The following FHIT variants were observed in gnomAD, a reference collection of about 807,000 sequenced individuals.
FHIT encodes bis(5'-adenosyl)-triphosphatase.
A neutral mutation model predicts 17.9 loss-of-function variants in FHIT; 19 were observed. The observed-to-expected ratio is 1.06, with a 90% CI of 0.74 to 1.56. FHIT has a LOEUF of 1.56. Among genes scored for constraint, FHIT ranks in the 40% most tolerant of loss-of-function variants. FHIT has a pLI of 0.00. For synonymous variants in FHIT, 81 were observed against 69.7 expected, an observed-to-expected ratio of 1.16 and a Z score of -0.81; for missense variants, 248 against 189.2, an observed-to-expected ratio of 1.31 and a Z score of -1.82.
At chr3:60,427,911 C>T (rs1270533665) in intron 5 of FHIT, among the ~76,000 whole-genome samples, 1 of 152,122 alleles carries the variant, frequency 6.6e-6, no homozygotes, top group Non-Finnish European at 1.5e-5. Flanking sequence ...CTTCTCCATC[C>T]TCCCAATCAT....
At chr3:60,816,145 G>A (rs567833540) in intron 4 of FHIT, among the ~76,000 whole-genome samples, 13 of 151,992 alleles carry the variant, frequency 8.6e-5, no homozygotes, top group South Asian at 4.1e-4. Flanking sequence ...TTTTGGTGGC[G>A]TCTTTGAGTT....
rs548015299 is a variant in FHIT, at chr3:60,476,831, T to C, written c.103+60029A>G. Among the ~76,000 whole-genome samples, 245 of 145,706 alleles carry C rather than the reference T, an allele frequency of 1.7e-3. 1 individual carries two copies. Among genetic ancestry groups the C allele is most frequent in the Admixed American group, 1.5e-3 (21 of 14,028 alleles). The stretch of plus-strand genomic sequence containing the variant: ...AAGTGAGCATCATTTGGTCTCGTCC[T>C]GGACACCCGGGGAAGGATTTTTTTT... On this transcript the variant is annotated intron_variant, in intron 5 of 9. Transcript: ENST00000492590.
chr3:61,235,763 T>C (rs1403648955), intron 1 of FHIT, among the ~76,000 whole-genome samples: 1 of 152,196 alleles, frequency 6.6e-6, no homozygotes, highest in Non-Finnish European at 1.5e-5. Flanking sequence ...CTCAGTATCA[T>C]TTACTTAGCG....
chr3:61,093,469 A>G (rs2035546931), intron 2 of FHIT, among the ~76,000 whole-genome samples: 1 of 152,216 alleles, frequency 6.6e-6, no homozygotes, highest in Non-Finnish European at 1.5e-5. Context: ...CCCCCACAAC[A>G]GAATTATCCA....
chr3:60,183,616 G>A (rs1702035853), intron 5 of FHIT, among the ~76,000 whole-genome samples: 1 of 151,984 alleles, frequency 6.6e-6, no homozygotes, highest in Admixed American at 6.6e-5. Flanking sequence ...GCTCAAGTGT[G>A]CCATGTCACA....
At chr3:61,009,034 C>T (rs1330403003) in intron 3 of FHIT, among the ~76,000 whole-genome samples, 1 of 152,230 alleles carries the variant, frequency 6.6e-6, no homozygotes, top group East Asian at 1.9e-4. Context: ...TCCCAAGAAA[C>T]ATTGCCCAAT....
chr3:60,064,467 G>A (rs1702417398), intron 5 of FHIT, among the ~76,000 whole-genome samples: 1 of 152,088 alleles, frequency 6.6e-6, no homozygotes, highest in African/African-American at 2.4e-5. Flanking sequence ...CTGTTTCCAT[G>A]CTACAGACAG....
At chr3:60,603,442 C>A (rs2038506781) in intron 4 of FHIT, among the ~76,000 whole-genome samples, 1 of 151,374 alleles carries the variant, frequency 6.6e-6, no homozygotes, top group African/African-American at 2.4e-5. Context: ...TACTATCTTC[C>A]TATCTGTACA....
At chr3:60,533,489 C>A (rs1391308936) in intron 5 of FHIT, among the ~76,000 whole-genome samples, 1 of 152,142 alleles carries the variant, frequency 6.6e-6, no homozygotes. Flanking sequence ...GCAGACTGGG[C>A]TGTGTGTTTG....
chr3:60,130,225 TG>T (rs1250732369), intron 5 of FHIT, among the ~76,000 whole-genome samples: 2 of 152,218 alleles, frequency 1.3e-5, no homozygotes, highest in Non-Finnish European at 2.9e-5. Flanking sequence ...ATGTAATATC[TG>T]GCTTTGGTTT....
At position 60,508,844 on chromosome 3, in the gene FHIT, T is replaced by G. The variant is rs143733360; in HGVS notation, c.103+28016A>C. Among the ~76,000 whole-genome samples, 119 of 152,268 alleles carry G rather than the reference T, an allele frequency of 7.8e-4. 3 individuals are homozygous for G. In the East Asian group the frequency reaches 0.018, roughly 22 times the overall value. On this transcript the variant is annotated intron_variant, in intron 5 of 9. Transcript: ENST00000492590. ...GCTTAGCTTCTCAAAAAGCCAATTA[T>G]AAGACACAGCTGTTACCATGCCAAA...
chr3:60,839,098 G>C (rs765144787), intron 3 of FHIT, among the ~76,000 whole-genome samples: 3 of 152,094 alleles, frequency 2.0e-5, no homozygotes, highest in Admixed American at 6.5e-5. Context: ...AGGATGCTGG[G>C]CTAGAGGGCC....
intron 5 of FHIT, among the ~76,000 whole-genome samples, chr3:60,072,105 G>A (rs1234179829): frequency 6.6e-6 from 1 of 152,184 alleles, no homozygotes; most frequent in African/African-American, 2.4e-5. Context: ...CATGAGGTAG[G>A]AAGGAAAGAC....
intron 5 of FHIT, among the ~76,000 whole-genome samples, chr3:60,286,887 C>A (rs1707753202): frequency 6.6e-6 from 1 of 152,118 alleles, no homozygotes; most frequent in Non-Finnish European, 1.5e-5. Context: ...ATGGTCTTCA[C>A]CCAAGCTCTT....
chr3:60,080,931 A>G (rs1433154389), intron 5 of FHIT: 1 of 152,176 alleles, frequency 6.6e-6, no homozygotes, highest in African/African-American at 2.4e-5. Flanking sequence ...CTAGAGTTCT[A>G]GTCTCCTTTC....
intron 3 of FHIT, among the ~76,000 whole-genome samples, chr3:60,991,039 T>C (rs1023788916): frequency 6.6e-6 from 1 of 152,026 alleles, no homozygotes; most frequent in African/African-American, 2.4e-5. Flanking sequence ...TAGTAAGTGT[T>C]GGGAAAAAAA....
intron 2 of FHIT, among the ~76,000 whole-genome samples, chr3:61,071,802 C>T (rs2106742013): frequency 6.6e-6 from 1 of 152,160 alleles, no homozygotes; most frequent in African/African-American, 2.4e-5. Flanking sequence ...ATGAAATACC[C>T]CAAAATATTA....
intron 5 of FHIT, among the ~76,000 whole-genome samples, chr3:60,485,245 G>C (rs74843090): frequency 1.3e-5 from 2 of 152,094 alleles, no homozygotes; most frequent in Non-Finnish European, 2.9e-5. Context: ...AGACAGTATA[G>C]TGATTCCTCA....
At chr3:60,455,483 A>C (rs1347124843) in intron 5 of FHIT, among the ~76,000 whole-genome samples, 1 of 152,150 alleles carries the variant, frequency 6.6e-6, no homozygotes, top group Non-Finnish European at 1.5e-5. Context: ...TTACAGAACA[A>C]AACCAGTTTA....
Sources: allele counts gnomAD v4.1 joint callset (sites outside exome capture counted in the v4.1 genomes callset), GRCh38; gene constraint gnomAD v4.1.1; transcripts MANE v1.5; gene names NCBI Gene and HGNC (gene_info 2026-07-23, HGNC 2026-07-21).